ADK: variants seen among roughly 807,000 people sequenced by gnomAD.
The protein encoded by ADK is adenosine kinase.
In ADK, 24 loss-of-function variants were observed where a neutral mutation model predicts 44.7. That is an observed-to-expected ratio of 0.54 (90% CI 0.39 to 0.76). The LOEUF is 0.76. ADK is among the 30% of genes least tolerant of loss of function. The probability of loss-of-function intolerance (pLI) is 0.00; values close to 1 mark genes in which losing one functional copy is unlikely to be tolerated. For missense variants in ADK, 321 were observed against 425.1 expected (o/e 0.76, Z 2.15); for synonymous variants, 128 against 142.6 (o/e 0.90, Z 0.73).
intron 4 of ADK, chr10:74,371,886 G>A: frequency 6.8e-7 from 1 of 1,477,180 alleles, no homozygotes. Flanking sequence ...AGCCTTCCAA[G>A]AGCCACGGCT....
At chr10:74,578,359 C>T (rs1484484636) in intron 7 of ADK, among the ~76,000 whole-genome samples, 1 of 151,806 alleles carries the variant, frequency 6.6e-6, no homozygotes, top group East Asian at 1.9e-4. Context: ...ATTGTGTTGC[C>T]AATGAATGAA....
intron 10 of ADK, among the ~76,000 whole-genome samples, chr10:74,700,274 G>A (rs1216158491): frequency 6.6e-6 from 1 of 152,054 alleles, no homozygotes; most frequent in Non-Finnish European, 1.5e-5. Context: ...CAGGAGTCTC[G>A]CTCTGTCACC....
Position 74,449,100 on chromosome 10 carries a change from A to C in ADK, c.555+50521A>C, listed in dbSNP as rs192569317. 8.7e-4 allele frequency among the ~76,000 whole-genome samples: 133 copies of C among 152,320 alleles called. 2 individuals are homozygous for C. The South Asian group carries it at 9.3e-3, about 11-fold the overall frequency. On this transcript the variant is annotated intron_variant, in intron 6 of 10. Transcript: ENST00000539909. ...GTGGAGACTGGCTAAGTAGTCCAAA[A>C]CCATAGGGCAGGCAACCAGGAAGGG... is the stretch of plus-strand genomic sequence containing the variant.
At chr10:74,595,406 G>C (rs371088129) in intron 8 of ADK, among the ~76,000 whole-genome samples, 106,011 of 106,276 alleles carry the variant, frequency 1, 52,873 homozygotes, top group Middle Eastern at 1. Context: ...GAGGGGGTTT[G>C]GCTTTGTCAC....
intron 6 of ADK, among the ~76,000 whole-genome samples, chr10:74,450,418 A>G (rs1871085): frequency 0.72 from 110,133 of 152,098 alleles, 40,516 homozygotes; most frequent in Middle Eastern, 0.86. Context: ...ACTCTTTGAG[A>G]GTAAGAATTA....
chr10:74,578,798 A>T (rs1373106001), intron 7 of ADK, among the ~76,000 whole-genome samples: 1 of 152,234 alleles, frequency 6.6e-6, no homozygotes, highest in Admixed American at 6.5e-5. Context: ...AGGATTCAGA[A>T]CTGAGTAGGT....
In ADK at chr10:74,634,576, AT is replaced by A. The variant is rs1238631772; in HGVS notation, c.877+34086del. On this transcript the variant is annotated intron_variant, in intron 9 of 10. Coordinates refer to ENST00000539909, the MANE Select transcript of ADK (RefSeq NM_006721.4). ...AGGTTCACAGGGTACTCTTTCAGTA[AT>A]TTAAATATGACAAGGAGCAAACTTG... Among the ~76,000 whole-genome samples the A allele has an allele frequency of 2.0e-5, 3 of 152,246 alleles. 1 individual carries two copies. The South Asian group carries it at 6.2e-4, about 32-fold the overall frequency.
chr10:74,697,060 C>T (rs1038423777), intron 10 of ADK, among the ~76,000 whole-genome samples: 8 of 151,984 alleles, frequency 5.3e-5, no homozygotes, highest in Non-Finnish European at 1.0e-4. Context: ...TTTTTTACAA[C>T]AAATTATATA....
chr10:74,573,903 G>A lies in ADK; in HGVS notation c.727-15379G>A, dbSNP rs189823947. On this transcript the variant is annotated intron_variant, in intron 7 of 10. Coordinates refer to ENST00000539909, the MANE Select transcript of ADK (RefSeq NM_006721.4). ...GGAATGACCCGATCTTCCAGGTGCCGTCTGTCACCCCTTTCTTTGACTAGG... is the reference window on the plus strand; with the variant it reads ...GGAATGACCCGATCTTCCAGGTGCCATCTGTCACCCCTTTCTTTGACTAGG... Among the ~76,000 whole-genome samples the A allele has an allele frequency of 2.0e-3, 308 of 152,272 alleles. 1 individual carries two copies. Among genetic ancestry groups the A allele is most frequent in the African/African-American group, 6.1e-3 (254 of 41,556 alleles).
chr10:74,619,298 T>C (rs946399714), intron 9 of ADK, among the ~76,000 whole-genome samples: 1 of 151,874 alleles, frequency 6.6e-6, no homozygotes, highest in Non-Finnish European at 1.5e-5. Flanking sequence ...CTACCAAAAA[T>C]AGAAAAATTA....
intron 1 of ADK, among the ~76,000 whole-genome samples, chr10:74,154,386 C>T (rs138451535): frequency 0.011 from 1,601 of 152,158 alleles, 29 homozygotes; most frequent in African/African-American, 0.037. Context: ...CTGCTGCCTC[C>T]GCCTCCCAAG....
chr10:74,340,887 T>C (rs115142257), intron 4 of ADK, among the ~76,000 whole-genome samples: 164 of 152,348 alleles, frequency 1.1e-3, no homozygotes, highest in Middle Eastern at 3.4e-3. Flanking sequence ...CATAGTACAA[T>C]ATGTAGAATG....
intron 1 of ADK, among the ~76,000 whole-genome samples, chr10:74,155,775 C>T (rs1205322798): frequency 6.6e-6 from 1 of 151,998 alleles, no homozygotes; most frequent in Non-Finnish European, 1.5e-5. Flanking sequence ...CCTCGTGATC[C>T]ACCCGCCTCA....
intron 6 of ADK, among the ~76,000 whole-genome samples, chr10:74,461,810 A>G (rs1261210761): frequency 6.6e-6 from 1 of 152,106 alleles, no homozygotes; most frequent in Non-Finnish European, 1.5e-5. Context: ...TAGTAATGAA[A>G]TATCTTATCT....
At chr10:74,255,197 A>G (rs74586132) in intron 3 of ADK, among the ~76,000 whole-genome samples, 7,520 of 152,110 alleles carry the variant, frequency 0.049, 651 homozygotes, top group African/African-American at 0.17. Context: ...AAAGGCAAAA[A>G]TTGTAGGACA....
At chr10:74,246,326 A>C (rs1437231430) in intron 3 of ADK, among the ~76,000 whole-genome samples, 1 of 152,256 alleles carries the variant, frequency 6.6e-6, no homozygotes, top group Non-Finnish European at 1.5e-5. Context: ...AGACAAAGTT[A>C]CAACAAATTT....
At chr10:74,521,990 A>G (rs900468363) in intron 6 of ADK, among the ~76,000 whole-genome samples, 1 of 152,162 alleles carries the variant, frequency 6.6e-6, no homozygotes, top group Non-Finnish European at 1.5e-5. Context: ...GAATTTCACT[A>G]GCAGTACTTT....
intron 9 of ADK, among the ~76,000 whole-genome samples, chr10:74,613,943 T>G (rs905253892): frequency 1.3e-5 from 2 of 152,142 alleles, no homozygotes. Flanking sequence ...TAAAATGTCT[T>G]GTATGGCATT....
At chr10:74,422,717 A>G (rs947593966) in intron 6 of ADK, among the ~76,000 whole-genome samples, 12 of 152,212 alleles carry the variant, frequency 7.9e-5, no homozygotes, top group Non-Finnish European at 1.3e-4. Flanking sequence ...CATACAATAT[A>G]AAATAGAGAA....
Sources: allele counts gnomAD v4.1 joint callset (sites outside exome capture counted in the v4.1 genomes callset), GRCh38; gene constraint gnomAD v4.1.1; transcripts MANE v1.5; gene names NCBI Gene and HGNC (gene_info 2026-07-23, HGNC 2026-07-21).